KATNIP: variants seen among roughly 807,000 people sequenced by gnomAD.
The protein encoded by KATNIP is katanin interacting protein.
KATNIP carries 126 observed loss-of-function variants against 174.0 expected under a neutral mutation model. The ratio of observed to expected loss-of-function variants is 0.72; its 90% CI spans 0.63 to 0.84. The LOEUF (loss-of-function observed/expected upper bound fraction) is 0.84, where lower values mean the gene tolerates loss of function less well. Ranked by LOEUF, KATNIP falls within the 40% of genes least tolerant of loss-of-function variation. The pLI is 0.00. For synonymous variants in KATNIP, 810 were observed against 835.7 expected, an observed-to-expected ratio of 0.97 and a Z score of 0.53; for missense variants, 1,958 against 2,109.7, an observed-to-expected ratio of 0.93 and a Z score of 1.41.
chr16:27,656,617 T>C (rs540448318), intron 6 of KATNIP, among the ~76,000 whole-genome samples: 16 of 150,448 alleles, frequency 1.1e-4, no homozygotes, highest in African/African-American at 3.9e-4. Flanking sequence ...CCATAAAAAA[T>C]GATGAGTTCA....
At chr16:27,573,771 T>A (rs1038635267) in intron 1 of KATNIP, 130 bp from the exon 2 acceptor site, 15 of 803,950 alleles carry the variant, frequency 1.9e-5, no homozygotes, top group Middle Eastern at 2.4e-4. Flanking sequence ...AATAATAGGC[T>A]GCATTTTCTT....
intron 10 of KATNIP, among the ~76,000 whole-genome samples, chr16:27,701,225 A>G (rs1468903011): frequency 6.6e-6 from 1 of 151,886 alleles, no homozygotes; most frequent in African/African-American, 2.4e-5. Context: ...TGGCATGACC[A>G]TAGCTTACTG....
At position 27,704,906 on chromosome 16, in the gene KATNIP, C is replaced by CT. The variant is rs560766968; in HGVS notation, c.1389+928dup. Among the ~76,000 whole-genome samples, 520 of 127,576 alleles carry CT rather than the reference C, an allele frequency of 4.1e-3. 1 individual carries two copies. Among genetic ancestry groups the CT allele is most frequent in the African/African-American group, 7.5e-3 (266 of 35,248 alleles). The allele number at this position is 127,576 out of a possible 152,430, so 83.7% of individuals were successfully genotyped here. Reference sequence around the variant, plus strand: ...CGATTTTCGTTCTTTTCTTTTTTTTCTTTTTTTTTTTTTTTTTTTTCTTAG... The same window carrying CT: ...CGATTTTCGTTCTTTTCTTTTTTTTCTTTTTTTTTTTTTTTTTTTTTCTTAG... On this transcript the variant is annotated intron_variant, in intron 12 of 27. Coordinates refer to ENST00000261588, the MANE Select transcript of KATNIP (RefSeq NM_015202.5).
chr16:27,749,408 G>A (rs1015848875), intron 15 of KATNIP, among the ~76,000 whole-genome samples, 176 bp from the exon 16 acceptor site: 1 of 152,146 alleles, frequency 6.6e-6, no homozygotes, highest in Non-Finnish European at 1.5e-5. Flanking sequence ...GCCATCCAGT[G>A]CCAAGAGGCC....
chr16:27,741,209 A>G (rs796089993), intron 15 of KATNIP, among the ~76,000 whole-genome samples: 1 of 152,294 alleles, frequency 6.6e-6, no homozygotes, highest in African/African-American at 2.4e-5. Flanking sequence ...GCCATTTTCC[A>G]AAAGACTTTG....
chr16:27,768,923 C>T (rs1365176475), intron 20 of KATNIP, among the ~76,000 whole-genome samples: 1 of 152,216 alleles, frequency 6.6e-6, no homozygotes, highest in Non-Finnish European at 1.5e-5. Flanking sequence ...TTGCTGACCA[C>T]GAATGTGGGC....
chr16:27,569,063 A>G (rs2090191143), intron 1 of KATNIP, among the ~76,000 whole-genome samples: 1 of 152,230 alleles, frequency 6.6e-6, no homozygotes, highest in Admixed American at 6.5e-5. Flanking sequence ...ATCATGTACT[A>G]TATACATTTC....
chr16:27,742,025 T>C (rs2143593753), intron 15 of KATNIP, among the ~76,000 whole-genome samples: 1 of 148,342 alleles, frequency 6.7e-6, no homozygotes, highest in East Asian at 2.0e-4. Flanking sequence ...TAAACTACTG[T>C]ATATGTCAAA....
intron 20 of KATNIP, 35 bp from the exon 21 acceptor site, chr16:27,769,826 C>T (rs1325741766): frequency 6.2e-7 from 1 of 1,604,990 alleles, no homozygotes. Flanking sequence ...CATGGCCTGC[C>T]TCCCTTCAGT....
intron 2 of KATNIP, among the ~76,000 whole-genome samples, chr16:27,613,498 A>C (rs1350686904): frequency 6.6e-6 from 1 of 152,184 alleles, no homozygotes; most frequent in African/African-American, 2.4e-5. Flanking sequence ...ATTTCATCTA[A>C]AAATGTCATC....
chr16:27,773,138 C>A lies in KATNIP; in HGVS notation c.4238C>A (p.Pro1413His). ...QFQLLTSWGD[P>H]YYIGLTGLEL... ...CAGCTTCTCACCAGCTGGGGCGACC[C>A]CTACTACATCGGCCTCACCGGCCTG... Residue 1413 changes from proline (P) to histidine (H), a missense_variant, in exon 23 of 28, where the codon CCC becomes CAC. Transcript: ENST00000261588. 1 of 1,612,746 alleles carries A rather than the reference C, an allele frequency of 6.2e-7. No homozygotes were observed. Among genetic ancestry groups the A allele is most frequent in the Non-Finnish European group, 8.5e-7 (1 of 1,179,390 alleles).
At chr16:27,769,638 G>A (rs1267950564) in intron 20 of KATNIP, among the ~76,000 whole-genome samples, 2 of 152,210 alleles carry the variant, frequency 1.3e-5, no homozygotes, top group African/African-American at 2.4e-5. Context: ...CCTGAAAGCC[G>A]TGGACCAGTG....
intron 2 of KATNIP, among the ~76,000 whole-genome samples, chr16:27,601,153 C>G (rs1186971008): frequency 6.6e-6 from 1 of 152,188 alleles, no homozygotes; most frequent in Non-Finnish European, 1.5e-5. Flanking sequence ...TCCTTCTGTT[C>G]CTCCGTGTTC....
At position 27,660,410 on chromosome 16, in the gene KATNIP, A is replaced by T. The variant is rs559204662; in HGVS notation, c.540+11675A>T. ...TTAAAAATACAAAAATTAACCAGGC[A>T]TGGTGGCGCATGCCTGTAATCCCAG... On this transcript the variant is annotated intron_variant, in intron 6 of 27. Transcript: ENST00000261588. Among the ~76,000 whole-genome samples, 52 of 152,224 alleles carry T rather than the reference A, an allele frequency of 3.4e-4. No homozygotes were observed. The South Asian group carries it at 0.01, about 30-fold the overall frequency.
At chr16:27,573,781 T>C in intron 1 of KATNIP, 120 bp from the exon 2 acceptor site, 1 of 917,298 alleles carries the variant, frequency 1.1e-6, no homozygotes, top group South Asian at 1.5e-5. Context: ...TGCATTTTCT[T>C]AAAATCATTT....
intron 3 of KATNIP, among the ~76,000 whole-genome samples, chr16:27,625,068 A>G (rs1006155539): frequency 6.6e-6 from 1 of 152,202 alleles, no homozygotes; most frequent in East Asian, 1.9e-4. Context: ...AATCTGATTT[A>G]TCTGAGTCCC....
At position 27,740,804 on chromosome 16, in the gene KATNIP, A is replaced by C. The variant is rs1295514264; in HGVS notation, c.2507A>C (p.Asp836Ala). 1.9e-6 allele frequency: 3 copies of C among 1,614,042 alleles called. No individual in the cohort carries two copies. Among genetic ancestry groups the C allele is most frequent in the Non-Finnish European group, 2.5e-6 (3 of 1,180,008 alleles). The change falls in exon 15 of 28, where the codon GAT becomes GCT. Residue 836 changes from aspartate to alanine, a missense_variant. Physicochemically the swap from Asp to Ala is moderately radical, Grantham distance 126. Coordinates refer to ENST00000261588, the MANE Select transcript of KATNIP (RefSeq NM_015202.5). The stretch of plus-strand genomic sequence containing the variant: ...AGGGCAACCACCAAAGTCCACAGTG[A>C]TGACTCAGACATCTTTAACCAGCCC... ...PQRATTKVHS[D>A]DSDIFNQPPN...
At chr16:27,577,628 G>T (rs777495174) in intron 2 of KATNIP, among the ~76,000 whole-genome samples, 2 of 152,178 alleles carry the variant, frequency 1.3e-5, no homozygotes, top group Non-Finnish European at 2.9e-5. Flanking sequence ...GAAAGCGGAG[G>T]TTGCAGTGAG....
intron 6 of KATNIP, among the ~76,000 whole-genome samples, chr16:27,655,177 GATATATATATATATATATAT>G (rs869205308): frequency 0.023 from 876 of 38,544 alleles, 36 homozygotes; most frequent in South Asian, 0.13. Flanking sequence ...CCCTAGAATG[GATATATATATATATATATAT>G]ATATATATAT....
Sources: allele counts gnomAD v4.1 joint callset (sites outside exome capture counted in the v4.1 genomes callset), GRCh38; gene constraint gnomAD v4.1.1; transcripts MANE v1.5; gene names NCBI Gene and HGNC (gene_info 2026-07-23, HGNC 2026-07-21).